Variants in GAB2 observed in about 807,000 individuals in gnomAD.
GAB2 encodes the protein GRB2-associated-binding protein 2.
Under a neutral mutation model 65.5 loss-of-function variants are expected in GAB2, and 26 were observed. The observed-to-expected ratio is 0.40, with a 90% confidence interval of 0.29 to 0.55. GAB2 has a LOEUF of 0.55. GAB2 is among the 20% of genes least tolerant of loss of function. The pLI is 0.53. For missense variants in GAB2, 884 were observed against 875.8 expected (o/e 1.01, Z -0.12); for synonymous variants, 321 against 329.6 (o/e 0.97, Z 0.28).
intron 1 of GAB2, among the ~76,000 whole-genome samples, chr11:78,397,376 T>G (rs989494933): frequency 1.3e-5 from 2 of 152,234 alleles, no homozygotes; most frequent in Non-Finnish European, 2.9e-5. Flanking sequence ...ACAAAGGGCA[T>G]GGTGCATTGG....
chr11:78,263,448 A>G (rs1158596665), intron 2 of GAB2, among the ~76,000 whole-genome samples: 3 of 152,074 alleles, frequency 2.0e-5, no homozygotes, highest in Non-Finnish European at 4.4e-5. Context: ...CCTGGCTAAC[A>G]CGGTGAAACC....
At chr11:78,362,489 T>C (rs55704207) in intron 1 of GAB2, among the ~76,000 whole-genome samples, 6,218 of 151,788 alleles carry the variant, frequency 0.041, 190 homozygotes, top group Middle Eastern at 0.088. Context: ...AAAGGTAAGA[T>C]TAAAAAAAAC....
intron 1 of GAB2, among the ~76,000 whole-genome samples, chr11:78,417,346 C>T (rs1281113922): frequency 7.6e-6 from 1 of 132,042 alleles, no homozygotes; most frequent in Non-Finnish European, 1.5e-5. Context: ...CAGAAGCCAT[C>T]AATACAAAAC....
chr11:78,374,018 T>G (rs1298282129), intron 1 of GAB2, among the ~76,000 whole-genome samples: 1 of 152,216 alleles, frequency 6.6e-6, no homozygotes, highest in Non-Finnish European at 1.5e-5. Context: ...TTGAAAAGCA[T>G]TCTAATCCCA....
intron 1 of GAB2, among the ~76,000 whole-genome samples, chr11:78,319,816 A>G (rs375872704): frequency 6.6e-6 from 1 of 152,210 alleles, no homozygotes; most frequent in Non-Finnish European, 1.5e-5. Flanking sequence ...TAAACAAAAC[A>G]GACATGGTCC....
chr11:78,346,715 ATATATAAT>A (rs1856193811), intron 1 of GAB2, among the ~76,000 whole-genome samples: 6 of 44,010 alleles, frequency 1.4e-4, no homozygotes, highest in Admixed American at 2.4e-4. Context: ...ATATATATAT[ATATATAAT>A]TTTTTTTTTT....
intron 1 of GAB2, among the ~76,000 whole-genome samples, chr11:78,411,854 A>G (rs1857133621): frequency 6.6e-6 from 1 of 152,126 alleles, no homozygotes; most frequent in Admixed American, 6.5e-5. Context: ...ACATGGTGAA[A>G]CCCTGTCTCT....
At chr11:78,397,375 A>G (rs1279457264) in intron 1 of GAB2, among the ~76,000 whole-genome samples, 2 of 152,274 alleles carry the variant, frequency 1.3e-5, no homozygotes, top group East Asian at 1.9e-4. Context: ...AACAAAGGGC[A>G]TGGTGCATTG....
Position 78,307,604 on chromosome 11 carries a change from T to TAGAGAGAGAGAGAGAGAGAGAGAGAG in GAB2, c.76-26729_76-26704dup, listed in dbSNP as rs59402607. Among the ~76,000 whole-genome samples the TAGAGAGAGAGAGAGAGAGAGAGAGAG allele has an allele frequency of 1.0e-3, 125 of 121,908 alleles. 4 individuals are homozygous for TAGAGAGAGAGAGAGAGAGAGAGAGAG. Among genetic ancestry groups the TAGAGAGAGAGAGAGAGAGAGAGAGAG allele is most frequent in the African/African-American group, 3.3e-3 (91 of 27,510 alleles). The allele number at this position is 121,908 out of a possible 152,430, so 80.0% of individuals were successfully genotyped here. On this transcript the variant is annotated intron_variant, in intron 1 of 9. Coordinates refer to ENST00000361507, the MANE Select transcript of GAB2 (RefSeq NM_080491.3). Reference sequence around the variant, plus strand: ...GAGATCCCATCTCTACAAAAAATGTTAGAGAGAGAGAGAGAGAGAGAGAGA... The same window carrying TAGAGAGAGAGAGAGAGAGAGAGAGAG: ...GAGATCCCATCTCTACAAAAAATGTTAGAGAGAGAGAGAGAGAGAGAGAGAGAGAGAGAGAGAGAGAGAGAGAGAGA...
Position 78,309,961 on chromosome 11 carries a change from TGTGTGTGTGTGC to T in GAB2, c.76-29072_76-29061del, listed in dbSNP as rs1291687708. ...GTGTGTGTGTGTGTGTGTGTGTGTG[TGTGTGTGTGTGC>T]GCGCGCGCCTGTGTGTGTGGTGGTG... is the stretch of plus-strand genomic sequence containing the variant. On this transcript the variant is annotated intron_variant, in intron 1 of 9. Transcript: ENST00000361507. 7.8e-3 allele frequency among the ~76,000 whole-genome samples: 1,063 copies of T among 135,992 alleles called. 16 individuals carry two copies. Among genetic ancestry groups the T allele is most frequent in the African/African-American group, 0.028 (1,007 of 36,142 alleles). 89.2% of individuals were successfully genotyped at this position (135,992 alleles called of 152,430 possible).
chr11:78,382,383 A>ATT (rs565779767), intron 1 of GAB2, among the ~76,000 whole-genome samples: 130 of 142,820 alleles, frequency 9.1e-4, no homozygotes, highest in African/African-American at 3.2e-3. Context: ...TTTTATTATT[A>ATT]TTTTTTTTTT....
At chr11:78,264,339 A>C (rs905934344) in intron 2 of GAB2, among the ~76,000 whole-genome samples, 7 of 151,816 alleles carry the variant, frequency 4.6e-5, no homozygotes, top group Non-Finnish European at 8.8e-5. Flanking sequence ...GGCTTTTGTT[A>C]AATTGATTCC....
chr11:78,304,730 T>C (rs1478732998), intron 1 of GAB2, among the ~76,000 whole-genome samples: 2 of 152,270 alleles, frequency 1.3e-5, no homozygotes, highest in South Asian at 2.1e-4. Context: ...TTGTTTTCTT[T>C]GTATAATGTA....
intron 1 of GAB2, among the ~76,000 whole-genome samples, chr11:78,294,594 T>TA (rs1288590480): frequency 6.6e-6 from 1 of 152,178 alleles, no homozygotes; most frequent in Non-Finnish European, 1.5e-5. Flanking sequence ...CCTGATTTTT[T>TA]AATGATCGCC....
rs1311159748 is a variant in GAB2 at position 78,349,382 on chromosome 11, C to T, written c.75+68264G>A. ...TGGTACTAAGTTACAAATCATCTTACTTAATTCTAACACTTTTGATGAGGT... is the reference window on the plus strand; with the variant it reads ...TGGTACTAAGTTACAAATCATCTTATTTAATTCTAACACTTTTGATGAGGT... On this transcript the variant is annotated intron_variant, in intron 1 of 9. Coordinates refer to ENST00000361507, the MANE Select transcript of GAB2 (RefSeq NM_080491.3). 2.0e-5 allele frequency among the ~76,000 whole-genome samples: 3 copies of T among 152,146 alleles called. No individual in the cohort carries two copies. In the East Asian group the frequency reaches 5.8e-4, roughly 29 times the overall value.
In GAB2 at chr11:78,226,621, G is replaced by A. The variant is rs1408895583; in HGVS notation, c.1051C>T (p.Pro351Ser). ...CTTGGCTTGGGGGGGCGGGGTGGGG[G>A]AGCTATGGCTGAGTCCCCAGGAGTG... Reference protein sequence around the residue: ...VATPGDSAIAPPPRPPKPSQA... With the variant: ...VATPGDSAIASPPRPPKPSQA... Residue 351 changes from proline (P) to serine (S), a missense_variant, in exon 4 of 10, where the codon CCC becomes TCC. Physicochemically the swap from Pro to Ser is moderately conservative, Grantham distance 74 (BLOSUM62 -1). Transcript: ENST00000361507. 6.2e-7 allele frequency: 1 copy of A among 1,612,848 alleles called. No individual in the cohort carries two copies. The highest frequency in any genetic ancestry group is 1.3e-5 in the African/African-American group (1 of 74,780).
chr11:78,406,021 C>A (rs947630686), intron 1 of GAB2, among the ~76,000 whole-genome samples: 3 of 152,186 alleles, frequency 2.0e-5, no homozygotes, highest in Non-Finnish European at 4.4e-5. Flanking sequence ...AGACTTCTAC[C>A]CTTCAGAGGT....
At chr11:78,403,235 A>G (rs879686796) in intron 1 of GAB2, among the ~76,000 whole-genome samples, 1 of 152,252 alleles carries the variant, frequency 6.6e-6, no homozygotes, top group East Asian at 1.9e-4. Flanking sequence ...ATATTTACGA[A>G]GTTTAAATTT....
chr11:78,280,681 G>C lies in GAB2; in HGVS notation c.296C>G (p.Ala99Gly). 1 of 1,613,992 alleles carries C rather than the reference G, an allele frequency of 6.2e-7. No individual in the cohort carries two copies. The highest frequency in any genetic ancestry group is 8.5e-7 in the Non-Finnish European group (1 of 1,179,890). ...KTSERTFYLV[A>G]ETEEDMNKWV... The stretch of plus-strand genomic sequence containing the variant: ...CTTATTCATGTCCTCTTCTGTCTCA[G>C]CCACCAGGTAAAAGGTGCGTTCACT... The change falls in exon 2 of 10, where the codon GCT becomes GGT. Residue 99 changes from alanine (A) to glycine (G), a missense_variant. By Grantham distance (60) the Ala-to-Gly change is moderately conservative. Transcript: ENST00000361507.
Sources: gnomAD v4.1 joint callset for allele counts (sites outside exome capture counted in the v4.1 genomes callset) on GRCh38, gnomAD v4.1.1 for gene constraint, MANE v1.5 for transcripts, NCBI Gene and HGNC (gene_info 2026-07-23, HGNC 2026-07-21) for gene names.